The following CYP2C18 variants were observed in gnomAD, a reference collection of about 807,000 sequenced individuals.
CYP2C18 encodes the protein cytochrome P450 2C18.
CYP2C18 carries 38 observed loss-of-function variants against 41.3 expected under a neutral mutation model. The observed-to-expected ratio is 0.92, with a 90% CI of 0.71 to 1.21. The LOEUF (loss-of-function observed/expected upper bound fraction) is 1.21. CYP2C18 is among the 50% of genes most tolerant of loss of function. CYP2C18 has a pLI of 0.00. For synonymous variants in CYP2C18, 236 were observed against 210.0 expected, an observed-to-expected ratio of 1.12 and a Z score of -1.07; for missense variants, 635 against 591.4, an observed-to-expected ratio of 1.07 and a Z score of -0.77.
At chr10:94,694,831 T>C (rs1847082489) in intron 3 of CYP2C18, 86 bp from the exon 4 acceptor site, 1 of 1,444,352 alleles carries the variant, frequency 6.9e-7, no homozygotes, top group Admixed American at 2.0e-5. Context: ...GGTTTAGAGT[T>C]TCTAAAAATA....
intron 4 of CYP2C18, among the ~76,000 whole-genome samples, chr10:94,698,901 C>A (rs991638586): frequency 2.6e-5 from 4 of 152,162 alleles, no homozygotes; most frequent in African/African-American, 9.7e-5. Flanking sequence ...AATTCCTCGA[C>A]ACATACACCC....
At chr10:94,721,022 C>A (rs1048583862) in intron 6 of CYP2C18, among the ~76,000 whole-genome samples, 1 of 150,986 alleles carries the variant, frequency 6.6e-6, no homozygotes, top group African/African-American at 2.4e-5. Context: ...TTCTTTCTTT[C>A]TTTTTTTTTG....
chr10:94,701,712 C>G (rs1444768417), intron 4 of CYP2C18, among the ~76,000 whole-genome samples: 1 of 152,186 alleles, frequency 6.6e-6, no homozygotes, highest in East Asian at 1.9e-4. Flanking sequence ...TTGGGAAGGA[C>G]TCAAACACTA....
chr10:94,723,842 C>A (rs1338861892), intron 6 of CYP2C18, among the ~76,000 whole-genome samples: 1 of 152,020 alleles, frequency 6.6e-6, no homozygotes, highest in African/African-American at 2.4e-5. Context: ...TCAGAAGAAA[C>A]TTCTAGAATG....
chr10:94,706,858 C>T lies in CYP2C18; in HGVS notation c.717C>T (p.Tyr239=), dbSNP rs1368198172. 7 of 1,610,512 alleles carry T rather than the reference C, an allele frequency of 4.3e-6. No homozygotes were observed. The highest frequency in any genetic ancestry group is 5.9e-6 in the Non-Finnish European group (7 of 1,177,260). The stretch of plus-strand genomic sequence containing the variant: ...ATAAAATAGCTGAAAATTTTGCTTA[C>T]ATTAAAAGTTATGTATTGGAGAGAA... The part of the protein sequence containing the change: ...SHNKIAENFA[Y]IKSYVLERIK... Residue 239 remains tyrosine, a synonymous_variant, in exon 5 of 9, where the codon TAC becomes TAT. Coordinates refer to ENST00000285979, the MANE Select transcript of CYP2C18 (RefSeq NM_000772.3).
intron 4 of CYP2C18, among the ~76,000 whole-genome samples, chr10:94,697,298 A>T (rs967810781): frequency 3.3e-5 from 5 of 152,246 alleles, no homozygotes; most frequent in Non-Finnish European, 7.3e-5. Flanking sequence ...GAAACTCTAC[A>T]AGCTAGAAGA....
intron 1 of CYP2C18, among the ~76,000 whole-genome samples, chr10:94,684,685 T>C (rs1564635899): frequency 6.6e-6 from 1 of 152,188 alleles, no homozygotes; most frequent in East Asian, 1.9e-4. Flanking sequence ...GTCTTCCACA[T>C]ACTGACTTCA....
At chr10:94,702,410 T>A (rs1847263190) in intron 4 of CYP2C18, among the ~76,000 whole-genome samples, 1 of 152,120 alleles carries the variant, frequency 6.6e-6, no homozygotes, top group Admixed American at 6.5e-5. Flanking sequence ...AGTCCCATAT[T>A]TCCTGGAGGC....
At position 94,733,436 on chromosome 10, in the gene CYP2C18, C is replaced by A. The variant is rs549212727; in HGVS notation, c.1289C>A (p.Ala430Glu). The A allele has an allele frequency of 1.2e-6, 2 of 1,613,056 alleles. No homozygotes were observed. Among genetic ancestry groups the A allele is most frequent in the Non-Finnish European group, 1.7e-6 (2 of 1,179,390 alleles). Residue 430 changes from alanine to glutamate, a missense_variant and splice_region_variant, in exon 8 of 9, where the codon GCA becomes GAA. Coordinates refer to ENST00000285979, the MANE Select transcript of CYP2C18 (RefSeq NM_000772.3). ...AGTGACTACTTCATGCCTTTCTCAGCAGGTAATAGATATTCATTTCCATCT... is the reference window on the plus strand; with the variant it reads ...AGTGACTACTTCATGCCTTTCTCAGAAGGTAATAGATATTCATTTCCATCT... ...KKSDYFMPFSAGKRMCMGEGL... is the reference protein window; with the variant it reads ...KKSDYFMPFSEGKRMCMGEGL...
At chr10:94,716,810 G>A (rs1283431637) in intron 5 of CYP2C18, among the ~76,000 whole-genome samples, 2 of 152,136 alleles carry the variant, frequency 1.3e-5, no homozygotes, top group Non-Finnish European at 2.9e-5. Context: ...TGTTGTGTAG[G>A]AGTCTAATTA....
chr10:94,694,968 T>C lies in CYP2C18; in HGVS notation c.533T>C (p.Ile178Thr), dbSNP rs1050778255. Reference protein sequence around the residue: ...FILGCAPCNVICSVIFHDRFD... With the variant: ...FILGCAPCNVTCSVIFHDRFD... ...CTGGGCTGTGCTCCCTGCAATGTGA[T>C]CTGCTCTGTTATTTTCCATGATCGA... Residue 178 changes from isoleucine to threonine, a missense_variant, in exon 4 of 9, where the codon ATC becomes ACC. Transcript: ENST00000285979. 16 of 1,613,194 alleles carry C rather than the reference T, an allele frequency of 9.9e-6. No individual in the cohort carries two copies. Among genetic ancestry groups the C allele is most frequent in the African/African-American group, 1.3e-5 (1 of 74,900 alleles).
intron 4 of CYP2C18, among the ~76,000 whole-genome samples, chr10:94,703,900 C>T (rs375564197): frequency 6.6e-5 from 10 of 152,140 alleles, no homozygotes; most frequent in Non-Finnish European, 1.0e-4. Flanking sequence ...TTGTGGGTTG[C>T]GACAGGTTGC....
chr10:94,710,107 T>C (rs541544694), intron 5 of CYP2C18, among the ~76,000 whole-genome samples: 1 of 152,188 alleles, frequency 6.6e-6, no homozygotes, highest in East Asian at 1.9e-4. Flanking sequence ...ATAGCTGGGA[T>C]TACAGGCATG....
intron 3 of CYP2C18, among the ~76,000 whole-genome samples, chr10:94,690,758 T>C (rs894752397): frequency 1.3e-5 from 2 of 152,154 alleles, no homozygotes; most frequent in Non-Finnish European, 2.9e-5. Context: ...TTGGTGAACA[T>C]TGATGCAAAA....
At chr10:94,690,815 G>A (rs935162544) in intron 3 of CYP2C18, among the ~76,000 whole-genome samples, 2 of 152,120 alleles carry the variant, frequency 1.3e-5, no homozygotes, top group Non-Finnish European at 2.9e-5. Flanking sequence ...CACACAAAAA[G>A]CTTATCCACC....
intron 7 of CYP2C18, among the ~76,000 whole-genome samples, chr10:94,727,790 T>C (rs1380162313): frequency 6.6e-6 from 1 of 152,164 alleles, no homozygotes; most frequent in East Asian, 1.9e-4. Context: ...ACATATAATA[T>C]ATGGAAATGT....
chr10:94,685,129 G>T (rs1846862135), intron 1 of CYP2C18, among the ~76,000 whole-genome samples: 1 of 151,894 alleles, frequency 6.6e-6, no homozygotes, highest in African/African-American at 2.4e-5. Context: ...GAGCTCCTGG[G>T]CTCAAGCCAT....
chr10:94,700,077 C>T (rs746876826), intron 4 of CYP2C18, among the ~76,000 whole-genome samples: 8 of 152,142 alleles, frequency 5.3e-5, no homozygotes, highest in Non-Finnish European at 1.0e-4. Flanking sequence ...GATTCAATGT[C>T]ATTTCCATCA....
At chr10:94,703,579 T>A (rs1847282592) in intron 4 of CYP2C18, among the ~76,000 whole-genome samples, 3 of 152,018 alleles carry the variant, frequency 2.0e-5, no homozygotes, top group Admixed American at 2.0e-4. Flanking sequence ...TGGACTCCCC[T>A]CCCTCCCATC....
Sources: allele counts gnomAD v4.1 joint callset (sites outside exome capture counted in the v4.1 genomes callset), GRCh38; gene constraint gnomAD v4.1.1; transcripts MANE v1.5; gene names NCBI Gene and HGNC (gene_info 2026-07-23, HGNC 2026-07-21).